The following GPHN variants were observed in gnomAD, a reference collection of about 807,000 sequenced individuals.
The protein encoded by GPHN is gephyrin.
In GPHN, 17 loss-of-function variants were observed where a neutral mutation model predicts 95.5. The ratio of observed to expected loss-of-function variants is 0.18; its 90% CI spans 0.12 to 0.27. The LOEUF is 0.27. GPHN is among the 10% of genes least tolerant of loss of function. The probability of loss-of-function intolerance (pLI) is 1.00; values close to 1 mark genes in which losing one functional copy is unlikely to be tolerated. For synonymous variants in GPHN, 320 were observed against 322.5 expected (o/e 0.99, Z 0.08); for missense variants, 660 against 978.1 (o/e 0.67, Z 4.34).
At chr14:67,211,261 TGGGA>T in the GPHN span, among the ~76,000 whole-genome samples, 1 of 151,720 alleles carries the variant, frequency 6.6e-6, no homozygotes, top group Non-Finnish European at 1.5e-5. Context: ...AAAATATAGG[TGGGA>T]GGAAGGAAGG....
At chr14:66,560,946 T>C (rs1394695353) in intron 1 of GPHN, among the ~76,000 whole-genome samples, 2 of 152,106 alleles carry the variant, frequency 1.3e-5, no homozygotes, top group African/African-American at 2.4e-5. Context: ...GAGTTTTTAG[T>C]ATGAAAGGTT....
intron 1 of GPHN, among the ~76,000 whole-genome samples, chr14:66,536,654 GTCTC>G (rs771223563): frequency 1.3e-5 from 2 of 152,164 alleles, no homozygotes; most frequent in African/African-American, 2.4e-5. Context: ...GAATTGGGAA[GTCTC>G]TCTCTTTTTT....
At chr14:66,968,785 T>G (rs1025400332) in intron 9 of GPHN, among the ~76,000 whole-genome samples, 1 of 152,136 alleles carries the variant, frequency 6.6e-6, no homozygotes, top group African/African-American at 2.4e-5. Context: ...AGTGAGCAAG[T>G]AGACATTGTT....
chr14:67,043,408 A>G (rs1178589126), intron 10 of GPHN, among the ~76,000 whole-genome samples: 1 of 152,174 alleles, frequency 6.6e-6, no homozygotes, highest in Non-Finnish European at 1.5e-5. Flanking sequence ...GTGTTCCATC[A>G]ATACCTAGTT....
At chr14:67,232,040 G>A in the GPHN span, among the ~76,000 whole-genome samples, 42 of 151,998 alleles carry the variant, frequency 2.8e-4, no homozygotes, top group Non-Finnish European at 5.0e-4. Context: ...TTATCTGGTG[G>A]TTTTAAAAAT....
At chr14:67,359,959 C>A in the GPHN span, 6 of 547,984 alleles carry the variant, frequency 1.1e-5, no homozygotes, top group Admixed American at 2.1e-4. Context: ...AATTCCGGTT[C>A]GCCTCCCAAC....
At chr14:67,647,061 A>T in the GPHN span, 1 of 1,293,366 alleles carries the variant, frequency 7.7e-7, no homozygotes, top group African/African-American at 1.5e-5. Flanking sequence ...GCAAACCCCC[A>T]ATGGGCAACA....
the GPHN span, among the ~76,000 whole-genome samples, chr14:67,643,548 GCA>G: frequency 3.3e-4 from 50 of 152,350 alleles, no homozygotes; most frequent in Non-Finnish European, 1.2e-4. Flanking sequence ...TCCAAGGTGG[GCA>G]CAGTGGTGCA....
chr14:67,371,352 T>G, the GPHN span, among the ~76,000 whole-genome samples: 3 of 151,756 alleles, frequency 2.0e-5, no homozygotes, highest in East Asian at 3.9e-4. Context: ...CCCAGGAGTT[T>G]GAGGCTGTAG....
chr14:66,824,779 G>A (rs961763060), intron 4 of GPHN, among the ~76,000 whole-genome samples: 1 of 152,030 alleles, frequency 6.6e-6, no homozygotes, highest in African/African-American at 2.4e-5. Flanking sequence ...TAGAATATGA[G>A]GAAGATTAAA....
At chr14:67,646,631 C>T in the GPHN span, 3 of 1,575,124 alleles carry the variant, frequency 1.9e-6, no homozygotes, top group Middle Eastern at 1.7e-4. Context: ...CTGTCCATTT[C>T]TCCCTTTCAT....
At chr14:67,141,335 C>G (rs1350066729) in intron 17 of GPHN, among the ~76,000 whole-genome samples, 1 of 152,130 alleles carries the variant, frequency 6.6e-6, no homozygotes, top group Non-Finnish European at 1.5e-5. Context: ...AAGTCCCAGT[C>G]TATGATTTTC....
At chr14:67,616,703 A>G in the GPHN span, 4 of 149,448 alleles carry the variant, frequency 2.7e-5, no homozygotes, top group Admixed American at 2.7e-4. Context: ...TTTTTTAAAT[A>G]TTTGCATATA....
intron 2 of GPHN, among the ~76,000 whole-genome samples, chr14:66,709,008 G>A (rs1406986242): frequency 6.6e-6 from 1 of 152,028 alleles, no homozygotes; most frequent in Non-Finnish European, 1.5e-5. Context: ...TTAGAAAAAT[G>A]AGTAATTTAA....
At chr14:67,134,953 C>CCTTTTTTTTT (rs2079968605) in intron 17 of GPHN, among the ~76,000 whole-genome samples, 2 of 45,240 alleles carry the variant, frequency 4.4e-5, no homozygotes, top group African/African-American at 2.1e-4. Flanking sequence ...TTTCTTTCTT[C>CCTTTTTTTTT]TTTTTTTTTT....
intron 8 of GPHN, among the ~76,000 whole-genome samples, chr14:66,933,322 C>G (rs2153567817): frequency 6.6e-6 from 1 of 152,242 alleles, no homozygotes; most frequent in South Asian, 2.1e-4. Flanking sequence ...TTAATGAGTC[C>G]CACTGGTTCT....
chr14:67,696,872 C>T, the GPHN span, among the ~76,000 whole-genome samples: 39 of 152,254 alleles, frequency 2.6e-4, no homozygotes, highest in African/African-American at 7.2e-4. Flanking sequence ...GACACGGGTT[C>T]CAATGAACTA....
At chr14:67,349,661 T>C in the GPHN span, among the ~76,000 whole-genome samples, 3 of 151,956 alleles carry the variant, frequency 2.0e-5, no homozygotes, top group Admixed American at 6.6e-5. Context: ...GTGGTGAAAC[T>C]CAAAAATACA....
chr14:67,243,260 C>T, the GPHN span, among the ~76,000 whole-genome samples: 3 of 151,588 alleles, frequency 2.0e-5, no homozygotes, highest in Admixed American at 6.6e-5. Flanking sequence ...GATCTTGGCT[C>T]ACTGCAGTCT....
Sources: allele counts gnomAD v4.1 joint callset (sites outside exome capture counted in the v4.1 genomes callset), GRCh38; gene constraint gnomAD v4.1.1; transcripts MANE v1.5; gene names NCBI Gene and HGNC (gene_info 2026-07-23, HGNC 2026-07-21).